PSD4: variants seen among roughly 807,000 people sequenced by gnomAD.
PSD4 encodes the protein pleckstrin and Sec7 domain containing 4, also known as PH and SEC7 domain-containing protein 4.
A neutral mutation model predicts 112.5 loss-of-function variants in PSD4; 59 were observed. The observed-to-expected ratio is 0.52, with a 90% CI of 0.43 to 0.65. The LOEUF is 0.65. PSD4 is among the 30% of genes least tolerant of loss of function. The pLI is 0.00. For synonymous variants in PSD4, 533 were observed against 540.0 expected (o/e 0.99, Z 0.18); for missense variants, 1,267 against 1,352.6 (o/e 0.94, Z 0.99).
Position 113,185,932 on chromosome 2 carries a change from C to A in PSD4, c.1305C>A (p.Cys435Ter). ...CTCTTCCCTGCACCTTGGCCCCCTG[C>A]CCCTGGAGGAGCCCAGCTTCTTCTC... is the stretch of plus-strand genomic sequence containing the variant. The part of the protein sequence containing the change: ...QESLPCTLAP[C>*]PWRSPASSPE... The change falls in exon 5 of 17, where the codon TGC (cysteine) becomes TGA (stop). Residue 435 changes from cysteine to a stop codon, truncating the protein, a stop_gained. Coordinates refer to ENST00000245796, the MANE Select transcript of PSD4 (RefSeq NM_012455.3). LOFTEE classifies it high-confidence loss of function. The A allele has an allele frequency of 1.2e-6, 2 of 1,613,792 alleles. No homozygotes were observed. Among genetic ancestry groups the A allele is most frequent in the Non-Finnish European group, 1.7e-6 (2 of 1,179,780 alleles).
chr2:113,209,060 C>T lies in PSD4; in HGVS notation c.*7645C>T, dbSNP rs553949077. 21 of 152,174 alleles carry T rather than the reference C, an allele frequency of 1.4e-4. No individual in the cohort carries two copies. The highest frequency in any genetic ancestry group is 3.9e-4 in the African/African-American group (16 of 41,502). The allele number at this position is 152,174 out of a possible 1,614,324, so 9.4% of individuals were successfully genotyped here. A position where few individuals can be genotyped will look rare whatever the true frequency, so the allele number is the denominator to read the frequency against. ...CCACGCTAGTCTCTTTCATCTGGGC[C>T]GAGGTGGGTAATTTTCCTTAGAGTC... is the stretch of plus-strand genomic sequence containing the variant. On this transcript the variant is annotated 3_prime_UTR_variant, in exon 17 of 17. Coordinates refer to ENST00000245796, the MANE Select transcript of PSD4 (RefSeq NM_012455.3).
chr2:113,201,652 C>T lies in PSD4; in HGVS notation c.*237C>T. ...TCCCTCCGCAGCCCCAGTCCCTGGCCACGCCCAAGGGAAGAGGGAGGTGAG... is the reference window on the plus strand; with the variant it reads ...TCCCTCCGCAGCCCCAGTCCCTGGCTACGCCCAAGGGAAGAGGGAGGTGAG... On this transcript the variant is annotated 3_prime_UTR_variant, in exon 17 of 17. Coordinates refer to ENST00000245796, the MANE Select transcript of PSD4 (RefSeq NM_012455.3). 1.7e-6 allele frequency: 1 copy of T among 589,116 alleles called. No individual in the cohort carries two copies. The highest frequency in any genetic ancestry group is 2.1e-5 in the South Asian group (1 of 47,598). The allele number at this position is 589,116 out of a possible 1,614,324, so 36.5% of individuals were successfully genotyped here.
rs1688647278 is a variant in PSD4 at position 113,197,591 on chromosome 2, T to C, written c.2414T>C (p.Met805Thr). The C allele has an allele frequency of 1.2e-6, 2 of 1,614,212 alleles. No homozygotes were observed. The highest frequency in any genetic ancestry group is 1.7e-6 in the Non-Finnish European group (2 of 1,180,026). Residue 805 changes from methionine (M) to threonine (T), a missense_variant, in exon 13 of 17, where the codon ATG becomes ACG. Met to Thr is a moderately conservative substitution (Grantham distance 81, BLOSUM62 -1). Transcript: ENST00000245796. ...KTPWGKRGWK[M>T]FHTLLRGMVL... The stretch of plus-strand genomic sequence containing the variant: ...CCATGGGGCAAGCGTGGCTGGAAGA[T>C]GTTCCACACCTTACTGCGAGGGATG...
Position 113,197,618 on chromosome 2 carries a change from T to G in PSD4, c.2441T>G (p.Val814Gly), listed in dbSNP as rs1688648333. ...KMFHTLLRGM[V>G]LYFLKQGEDH... ...TTCCACACCTTACTGCGAGGGATGGTTCTCTACTTCCTGAAGGTAGGAAAG... is the reference window on the plus strand; with the variant it reads ...TTCCACACCTTACTGCGAGGGATGGGTCTCTACTTCCTGAAGGTAGGAAAG... The change falls in exon 13 of 17, where the codon GTT (valine) becomes GGT (glycine). Residue 814 changes from valine (V) to glycine (G), a missense_variant. This residue lies in a region of PSD4 where 544 missense variants were observed against 648.6 expected (regional missense o/e 0.84). Coordinates refer to ENST00000245796, the MANE Select transcript of PSD4 (RefSeq NM_012455.3). 1 of 1,614,184 alleles carries G rather than the reference T, an allele frequency of 6.2e-7. No individual in the cohort carries two copies. Among genetic ancestry groups the G allele is most frequent in the Non-Finnish European group, 8.5e-7 (1 of 1,180,020 alleles).
Position 113,192,445 on chromosome 2 carries a change from C to T in PSD4, c.1694C>T (p.Ser565Phe). 1.2e-6 allele frequency: 2 copies of T among 1,614,214 alleles called. No individual in the cohort carries two copies. The highest frequency in any genetic ancestry group is 1.3e-5 in the African/African-American group (1 of 75,064). ...LPGSPMPQAQSPEEGQRPPAG... is the reference protein window; with the variant it reads ...LPGSPMPQAQFPEEGQRPPAG... ...GGGAGCCCTATGCCCCAAGCACAGTCCCCAGAGGAAGGCCAGAGACCACCA... is the reference window on the plus strand; with the variant it reads ...GGGAGCCCTATGCCCCAAGCACAGTTCCCAGAGGAAGGCCAGAGACCACCA... The change falls in exon 6 of 17, where the codon TCC (serine) becomes TTC (phenylalanine). Residue 565 changes from serine to phenylalanine, a missense_variant. Coordinates refer to ENST00000245796, the MANE Select transcript of PSD4 (RefSeq NM_012455.3).
chr2:113,197,744 T>A lies in PSD4; in HGVS notation c.2458-3T>A, dbSNP rs757677498. The A allele has an allele frequency of 6.2e-7, 1 of 1,607,200 alleles. No individual in the cohort carries two copies. Among genetic ancestry groups the A allele is most frequent in the Non-Finnish European group, 8.5e-7 (1 of 1,174,436 alleles). ...CTCTTCTCTGAGCCCCTGTGACTGG[T>A]AGCAGGGAGAAGACCACTGTCTGGA... On this transcript the variant is annotated splice_region_variant and splice_polypyrimidine_tract_variant and intron_variant, in intron 13 of 16. Coordinates refer to ENST00000245796, the MANE Select transcript of PSD4 (RefSeq NM_012455.3).
Position 113,182,669 on chromosome 2 carries a change from G to A in PSD4, c.213G>A (p.Glu71=). 6.2e-7 allele frequency: 1 copy of A among 1,613,114 alleles called. No homozygotes were observed. Among genetic ancestry groups the A allele is most frequent in the Non-Finnish European group, 8.5e-7 (1 of 1,179,602 alleles). ...QNVPPWGSGV[E]LTHLGSWVHQ... is the part of the protein sequence containing the mutation. Reference sequence around the variant, plus strand: ...TTCCTCCCTGGGGCTCCGGTGTGGAGCTCACACACCTGGGGAGCTGGGTCC... The same window carrying A: ...TTCCTCCCTGGGGCTCCGGTGTGGAACTCACACACCTGGGGAGCTGGGTCC... The change falls in exon 2 of 17, where the codon GAG becomes GAA. Residue 71 remains glutamate, a synonymous_variant. Transcript: ENST00000245796.
chr2:113,192,345 C>T (rs376366488), intron 5 of PSD4, 35 bp from the exon 6 acceptor site: 4 of 1,601,526 alleles, frequency 2.5e-6, no homozygotes, highest in African/African-American at 2.7e-5. Context: ...CCTGCAAGAA[C>T]ACTTGACCCA....
At position 113,201,311 on chromosome 2, in the gene PSD4, C is replaced by T. The variant is rs201283773; in HGVS notation, c.3067C>T (p.Leu1023=). 97 of 1,614,086 alleles carry T rather than the reference C, an allele frequency of 6.0e-5. No homozygotes were observed. Among genetic ancestry groups the T allele is most frequent in the Non-Finnish European group, 7.7e-5 (91 of 1,180,048 alleles). ...GAAGAAGTCCCACTCGAGCCCGTCC[C>T]TGCACCAGGATGAGGCTCCCACCAC... is the stretch of plus-strand genomic sequence containing the variant. ...SLKKSHSSPS[L]HQDEAPTTAK... Residue 1023 remains leucine (L), a synonymous_variant, in exon 17 of 17, where the codon CTG becomes TTG. Transcript: ENST00000245796.
At chr2:113,193,502 G>T (rs1201401818) in intron 8 of PSD4, 90 bp from the exon 9 acceptor site, 10 of 1,512,640 alleles carry the variant, frequency 6.6e-6, no homozygotes, top group African/African-American at 1.4e-5. Context: ...CATTCCAGGG[G>T]TTATTCGGTT....
intron 2 of PSD4, among the ~76,000 whole-genome samples, chr2:113,184,542 T>A (rs1688237775): frequency 6.6e-6 from 1 of 151,852 alleles, no homozygotes; most frequent in Non-Finnish European, 1.5e-5. Flanking sequence ...CCCAGCTAAT[T>A]TTTGTATTTT....
chr2:113,195,936 A>C (rs1688596657), intron 11 of PSD4, among the ~76,000 whole-genome samples, 166 bp downstream of exon 11: 1 of 152,108 alleles, frequency 6.6e-6, no homozygotes. Flanking sequence ...GAGGAGCCCA[A>C]GTAATACCGG....
chr2:113,194,244 TCAAAGTCTGAGAAGGG>T (rs1344778817), intron 10 of PSD4, among the ~76,000 whole-genome samples: 1 of 152,164 alleles, frequency 6.6e-6, no homozygotes, highest in Admixed American at 6.5e-5. Flanking sequence ...TCTTACCCCT[TCAAAGTCTGAGAAGGG>T]CAAAGCTACA....
In PSD4 at chr2:113,186,141, A is replaced by G; in HGVS notation, c.1514A>G (p.Lys505Arg). The G allele has an allele frequency of 1.2e-6, 2 of 1,614,192 alleles. No individual in the cohort carries two copies. The highest frequency in any genetic ancestry group is 1.1e-5 in the South Asian group (1 of 91,084). Residue 505 changes from lysine (K) to arginine (R), a missense_variant, in exon 5 of 17, where the codon AAA becomes AGA. Physicochemically the swap from Lys to Arg is conservative, Grantham distance 26. Around this residue, in one of 2 missense-constraint regions of PSD4, gnomAD observed 723 missense variants for 704.0 expected, o/e 1.03. Coordinates refer to ENST00000245796, the MANE Select transcript of PSD4 (RefSeq NM_012455.3). The stretch of plus-strand genomic sequence containing the variant: ...GGGGAACAGCCAAGTTCCTTGAAGA[A>G]AAAGGAGGCAGGGGAGGCCCCAAAA... Reference protein sequence around the residue: ...TDGEQPSSLKKKEAGEAPKPG... With the variant: ...TDGEQPSSLKRKEAGEAPKPG...
intron 5 of PSD4, among the ~76,000 whole-genome samples, chr2:113,187,077 C>T (rs1211965982): frequency 1.3e-5 from 2 of 152,198 alleles, no homozygotes; most frequent in Non-Finnish European, 2.9e-5. Context: ...GAGCTGGACC[C>T]AGGCCCTTAC....
At chr2:113,192,255 C>T in intron 5 of PSD4, 125 bp from the exon 6 acceptor site, 1 of 906,350 alleles carries the variant, frequency 1.1e-6, no homozygotes, top group East Asian at 2.4e-5. Flanking sequence ...CTGTCTCTTC[C>T]CTGAGTAAGG....
intron 10 of PSD4, 51 bp downstream of exon 10, chr2:113,193,999 G>C: frequency 6.4e-7 from 1 of 1,564,996 alleles, no homozygotes. Flanking sequence ...CTGGAGCCTT[G>C]GTTCTTTGTT....
At chr2:113,182,042 C>T (rs959089570) in intron 1 of PSD4, among the ~76,000 whole-genome samples, 6 of 152,350 alleles carry the variant, frequency 3.9e-5, no homozygotes, top group Middle Eastern at 3.4e-3. Context: ...ACTCTCCAAT[C>T]CAAATGCCCA....
chr2:113,182,741 C>T lies in PSD4; in HGVS notation c.285C>T (p.Asp95=). The change falls in exon 2 of 17, where the codon GAC becomes GAT. Residue 95 remains aspartate (D), a synonymous_variant. Transcript: ENST00000245796. ...EPCQEQTRAT[D]PPESTRQDAP... ...GCCAGGAGCAAACCCGGGCCACTGA[C>T]CCTCCTGAATCTACCAGACAAGATG... The T allele has an allele frequency of 1.9e-6, 3 of 1,597,846 alleles. No homozygotes were observed. Among genetic ancestry groups the T allele is most frequent in the Non-Finnish European group, 2.6e-6 (3 of 1,170,298 alleles).
Sources: gnomAD v4.1 joint callset for allele counts (sites outside exome capture counted in the v4.1 genomes callset) on GRCh38, gnomAD v4.1.1 for gene constraint, gnomAD v4.1.1 regional missense constraint, MANE v1.5 for transcripts, NCBI Gene and HGNC (gene_info 2026-07-23, HGNC 2026-07-21) for gene names.